Variants in TARS3 observed in about 807,000 individuals in gnomAD.
The protein encoded by TARS3 is threonine--tRNA ligase 2, cytoplasmic.
In TARS3, 94 loss-of-function variants were observed where a neutral mutation model predicts 103.5. That is an observed-to-expected ratio of 0.91 (90% CI 0.77 to 1.08). The LOEUF (loss-of-function observed/expected upper bound fraction) is 1.08. TARS3 is among the 50% of genes least tolerant of loss of function. TARS3 has a pLI of 0.00. For synonymous variants in TARS3, 416 were observed against 355.4 expected (o/e 1.17, Z -1.92); for missense variants, 952 against 995.2 (o/e 0.96, Z 0.58).
rs571670287 is a variant in TARS3, at chr15:101,661,024, A to G, written c.2072+688T>C. Among the ~76,000 whole-genome samples, 79 of 152,160 alleles carry G rather than the reference A, an allele frequency of 5.2e-4. No homozygotes were observed. The South Asian group carries it at 0.016, about 30-fold the overall frequency. Reference sequence around the variant, plus strand: ...TTCTAAATCTTTGACTCTGTGGCCAAAGCAGTAACTAGAGCCTGTGCATCC... The same window carrying G: ...TTCTAAATCTTTGACTCTGTGGCCAGAGCAGTAACTAGAGCCTGTGCATCC... On this transcript the variant is annotated intron_variant, in intron 16 of 18. Transcript: ENST00000335968.
At chr15:101,679,461 ATCTTC>A (rs1292449559) in intron 12 of TARS3, among the ~76,000 whole-genome samples, 1 of 151,768 alleles carries the variant, frequency 6.6e-6, no homozygotes, top group African/African-American at 2.4e-5. Context: ...TCTTCTTTAT[ATCTTC>A]TATTTCTTTC....
chr15:101,714,960 C>T lies in TARS3; in HGVS notation c.570G>A (p.Gln190=), dbSNP rs1478266501. The T allele has an allele frequency of 1.9e-6, 3 of 1,607,334 alleles. No individual in the cohort carries two copies. Among genetic ancestry groups the T allele is most frequent in the Non-Finnish European group, 2.5e-6 (3 of 1,176,594 alleles). ...TPYQVAAEIS[Q]ELAESTVIAK... ...CTATTACCGTGCTTTCAGCCAGTTC[C>T]TGACTAAGAAGACAAAAGCCACTTG... Residue 190 remains glutamine (Q), a synonymous_variant, in exon 4 of 19, where the codon CAG becomes CAA. Transcript: ENST00000335968.
At position 101,708,874 on chromosome 15, in the gene TARS3, A is replaced by G. The variant is rs1401206811; in HGVS notation, c.849T>C (p.Asn283=). The change falls in exon 6 of 19, where the codon AAT becomes AAC. Residue 283 remains asparagine (N), a synonymous_variant. Coordinates refer to ENST00000335968, the MANE Select transcript of TARS3 (RefSeq NM_152334.3). ...TTTCTTTTATGATGGCTTTACATAT[A>G]TTCTCCAGGGCTGACAATTCTGTGC... ...VSSTELSALE[N]ICKAIIKEKQ... 6.2e-7 allele frequency: 1 copy of G among 1,611,882 alleles called. No homozygotes were observed. The highest frequency in any genetic ancestry group is 8.5e-7 in the Non-Finnish European group (1 of 1,179,262).
At chr15:101,679,891 A>C (rs1316586340) in intron 12 of TARS3, among the ~76,000 whole-genome samples, 1 of 152,192 alleles carries the variant, frequency 6.6e-6, no homozygotes, top group Non-Finnish European at 1.5e-5. Context: ...TCTGGGTTGC[A>C]CAGGTGTTCT....
intron 10 of TARS3, among the ~76,000 whole-genome samples, chr15:101,693,786 C>T (rs1019101138): frequency 2.6e-5 from 4 of 152,012 alleles, no homozygotes; most frequent in Non-Finnish European, 5.9e-5. Flanking sequence ...TGGGTGAAAG[C>T]GGTCAGTCTC....
At chr15:101,705,420 C>G in intron 7 of TARS3, among the ~76,000 whole-genome samples, 1 of 152,176 alleles carries the variant, frequency 6.6e-6, no homozygotes, top group Middle Eastern at 3.2e-3. Flanking sequence ...ACTCCTTTCC[C>G]AACAGTATCA....
chr15:101,719,885 C>A lies in TARS3; in HGVS notation c.566+1241G>T, dbSNP rs140282116. Among the ~76,000 whole-genome samples the A allele has an allele frequency of 3.3e-3, 509 of 152,288 alleles. 2 individuals are homozygous for A. Among genetic ancestry groups the A allele is most frequent in the African/African-American group, 0.011 (450 of 41,556 alleles). On this transcript the variant is annotated intron_variant, in intron 3 of 18. Transcript: ENST00000335968. Reference sequence around the variant, plus strand: ...GCTTGCATTAGAAGCCCCTGGAGAGCTCATAAAAACACTGATGGCTGATCA... The same window carrying A: ...GCTTGCATTAGAAGCCCCTGGAGAGATCATAAAAACACTGATGGCTGATCA...
rs747240802 is a variant in TARS3 at position 101,654,612 on chromosome 15, T to C, written c.2379A>G (p.Thr793=). ...AGGCCTCCTCAGCATTGAGTGTCCGTGTCTTCCTGAGATTCTTCAGTTTAT... is the reference window on the plus strand; with the variant it reads ...AGGCCTCCTCAGCATTGAGTGTCCGCGTCTTCCTGAGATTCTTCAGTTTAT... ...AIDKLKNLRK[T]RTLNAEEAF Residue 793 remains threonine (T), a synonymous_variant, in exon 19 of 19, where the codon ACA becomes ACG. Transcript: ENST00000335968. 60 of 1,614,010 alleles carry C rather than the reference T, an allele frequency of 3.7e-5. 1 individual carries two copies. Among genetic ancestry groups the C allele is most frequent in the Non-Finnish European group, 4.9e-5 (58 of 1,180,008 alleles).
At chr15:101,711,209 A>G (rs540230507) in intron 5 of TARS3, among the ~76,000 whole-genome samples, 1 of 152,340 alleles carries the variant, frequency 6.6e-6, no homozygotes, top group East Asian at 1.9e-4. Context: ...GATTAGATAA[A>G]TAGCATATCA....
intron 12 of TARS3, among the ~76,000 whole-genome samples, chr15:101,676,982 CCA>C (rs1022791052): frequency 2.0e-5 from 3 of 152,228 alleles, no homozygotes; most frequent in Non-Finnish European, 2.9e-5. Context: ...CCGACAGGCC[CCA>C]GTGTGTGTTG....
intron 4 of TARS3, among the ~76,000 whole-genome samples, chr15:101,714,456 T>A (rs1900027694): frequency 6.6e-6 from 1 of 150,936 alleles, no homozygotes; most frequent in Non-Finnish European, 1.5e-5. Flanking sequence ...ATATGAAAAA[T>A]TATCTGAGTG....
Position 101,684,231 on chromosome 15 carries a change from C to T in TARS3, c.1494G>A (p.Met498Ile), listed in dbSNP as rs770369664. The change falls in exon 12 of 19, where the codon ATG becomes ATA. Residue 498 changes from methionine (M) to isoleucine (I), a missense_variant. Physicochemically the swap from Met to Ile is conservative, Grantham distance 10. Around this residue, in one of 2 missense-constraint regions of TARS3, gnomAD observed 540 missense variants for 631.0 expected, o/e 0.86. Transcript: ENST00000335968. ...TCCAAGATCGTGGACGATGGGCAAA[C>T]ATTAGACTAGAAAAGATGTGGTAAC... The part of the protein sequence containing the change: ...KPMNCPGHCL[M>I]FAHRPRSWRE... The T allele has an allele frequency of 1.2e-6, 2 of 1,613,362 alleles. No individual in the cohort carries two copies. Among genetic ancestry groups the T allele is most frequent in the Non-Finnish European group, 1.7e-6 (2 of 1,179,544 alleles).
intron 10 of TARS3, among the ~76,000 whole-genome samples, chr15:101,689,761 A>G (rs1235680575): frequency 2.0e-5 from 3 of 152,198 alleles, no homozygotes; most frequent in Admixed American, 6.5e-5. Context: ...AAACTGGGAG[A>G]TAATAAATTT....
intron 10 of TARS3, among the ~76,000 whole-genome samples, chr15:101,689,252 G>T (rs1898604578): frequency 6.6e-6 from 1 of 152,100 alleles, no homozygotes; most frequent in Non-Finnish European, 1.5e-5. Context: ...GGGAGCCTTT[G>T]ATATCAACAC....
At chr15:101,669,333 A>G (rs954153355) in intron 15 of TARS3, among the ~76,000 whole-genome samples, 1 of 152,258 alleles carries the variant, frequency 6.6e-6, no homozygotes, top group Non-Finnish European at 1.5e-5. Context: ...GGTAAGTGCT[A>G]TAATAAAAGA....
chr15:101,680,218 G>A (rs1021072687), intron 12 of TARS3, among the ~76,000 whole-genome samples: 3 of 152,204 alleles, frequency 2.0e-5, no homozygotes, highest in African/African-American at 7.2e-5. Flanking sequence ...TAAAATATAA[G>A]CTTCTCAATC....
In TARS3 at chr15:101,657,817, CAGGGATGACCAT is replaced by C; in HGVS notation, c.2101_2112del (p.Met701_Pro704del). On this transcript the variant is annotated inframe_deletion, in exon 17 of 19. Transcript: ENST00000335968. Reference sequence around the variant, plus strand: ...GCATATTTTTCACAAGTTGGCCCCACAGGGATGACCATCACCTGACGAGGAGATAGCCAGAAA... The same window carrying C: ...GCATATTTTTCACAAGTTGGCCCCACCACCTGACGAGGAGATAGCCAGAAA... The C allele has an allele frequency of 6.2e-7, 1 of 1,609,890 alleles. No individual in the cohort carries two copies. Among genetic ancestry groups the C allele is most frequent in the Non-Finnish European group, 8.5e-7 (1 of 1,177,716 alleles).
chr15:101,670,094 C>A (rs1897737734), intron 15 of TARS3, among the ~76,000 whole-genome samples: 5 of 152,058 alleles, frequency 3.3e-5, no homozygotes, highest in Admixed American at 2.6e-4. Flanking sequence ...ATCTTCATGG[C>A]CTGTACTTAG....
chr15:101,708,972 T>C, intron 5 of TARS3, 62 bp from the exon 6 acceptor site: 1 of 1,121,778 alleles, frequency 8.9e-7, no homozygotes, highest in Non-Finnish European at 1.3e-6. Context: ...CCTCTTTCCT[T>C]TGTCCTGGAG....
Sources: allele counts gnomAD v4.1 joint callset (sites outside exome capture counted in the v4.1 genomes callset), GRCh38; gene constraint gnomAD v4.1.1; regional missense constraint gnomAD v4.1.1; transcripts MANE v1.5; gene names NCBI Gene and HGNC (gene_info 2026-07-23, HGNC 2026-07-21).